The following DMD variants were observed in gnomAD, a reference collection of about 807,000 sequenced individuals.
DMD encodes the protein dystrophin.
DMD carries 63 observed loss-of-function variants against 330.1 expected under a neutral mutation model. The observed-to-expected ratio is 0.19, with a 90% CI of 0.16 to 0.24. DMD has a LOEUF of 0.24. Among genes scored for constraint, DMD ranks in the 10% least tolerant of loss-of-function variants. DMD has a pLI of 1.00. For missense variants in DMD, 3,344 were observed against 2,684.1 expected, an observed-to-expected ratio of 1.25 and a Z score of -5.43; for synonymous variants, 1,223 against 959.8, an observed-to-expected ratio of 1.27 and a Z score of -5.07.
chrX:32,459,237 G>C (rs998728921), intron 25 of DMD, among the ~76,000 whole-genome samples: 2 of 111,044 alleles, frequency 1.8e-5, no homozygotes, highest in Non-Finnish European at 3.8e-5. Flanking sequence ...TTATCATCTT[G>C]AATGTGGTAA....
chrX:32,680,207 T>A (rs770501003), intron 9 of DMD, among the ~76,000 whole-genome samples: 1 of 110,694 alleles, frequency 9.0e-6, no homozygotes, highest in Non-Finnish European at 1.9e-5. Flanking sequence ...CCACCGTGCC[T>A]GGCCTAAATT....
chrX:32,953,092 G>A (rs1043406254), intron 2 of DMD, among the ~76,000 whole-genome samples: 5 of 101,162 alleles, frequency 4.9e-5, no homozygotes, highest in East Asian at 6.2e-4. Context: ...CAGAGATCGC[G>A]TCACTGCACT....
At chrX:32,468,391 A>T in intron 23 of DMD, 107 bp downstream of exon 23, 1 of 698,698 alleles carries the variant, frequency 1.4e-6, no homozygotes, top group Non-Finnish European at 2.2e-6. Context: ...ACTAACTTTG[A>T]AAGATGCTGA....
chrX:32,116,537 C>T (rs1020025376), intron 44 of DMD, among the ~76,000 whole-genome samples: 5 of 112,233 alleles, frequency 4.5e-5, no homozygotes, highest in Admixed American at 1.9e-4. Context: ...AAGAGATCTA[C>T]ATTATGCCAT....
At chrX:32,342,508 T>C (rs1365009662) in intron 40 of DMD, 1 of 403,877 alleles carries the variant, frequency 2.5e-6, no homozygotes, top group East Asian at 4.1e-5. Flanking sequence ...ATTAAGTAAA[T>C]ATTGAAATTG....
intron 50 of DMD, among the ~76,000 whole-genome samples, chrX:31,807,657 C>T (rs1427939294): frequency 1.8e-5 from 2 of 111,710 alleles, no homozygotes; most frequent in Non-Finnish European, 3.8e-5. Flanking sequence ...TACTTAAGGC[C>T]CAATTCCACC....
At chrX:32,379,175 A>T (rs2097915355) in intron 34 of DMD, among the ~76,000 whole-genome samples, 1 of 110,447 alleles carries the variant, frequency 9.1e-6, no homozygotes, top group Non-Finnish European at 1.9e-5. Flanking sequence ...TCTTTATTCT[A>T]TAAAGAAAGA....
chrX:32,558,945 T>TTTTTTTTTTTTTTTC (rs2050665333), intron 16 of DMD, among the ~76,000 whole-genome samples: 1 of 40,125 alleles, frequency 2.5e-5, no homozygotes, highest in African/African-American at 7.5e-5. Flanking sequence ...TTTCTTTTTT[T>TTTTTTTTTTTTTTTC]TTTTTTTTTT....
intron 1 of DMD, among the ~76,000 whole-genome samples, chrX:33,283,584 G>A (rs1049302292): frequency 9.1e-6 from 1 of 109,480 alleles, no homozygotes; most frequent in Non-Finnish European, 1.9e-5. Context: ...GACTGTACTA[G>A]GTATGTTCGT....
chrX:32,552,316 C>T (rs1195170074), intron 16 of DMD, among the ~76,000 whole-genome samples: 1 of 111,629 alleles, frequency 9.0e-6, no homozygotes, highest in African/African-American at 3.3e-5. Flanking sequence ...AATAAGGCTG[C>T]ACACCTACAA....
intron 12 of DMD, among the ~76,000 whole-genome samples, chrX:32,601,792 C>T (rs970960651): frequency 8.9e-6 from 1 of 111,940 alleles, no homozygotes; most frequent in Non-Finnish European, 1.9e-5. Flanking sequence ...ATAAAACTGC[C>T]TATTTCTTTA....
At chrX:31,723,623 A>AACACACACAC (rs55718177) in intron 52 of DMD, among the ~76,000 whole-genome samples, 4,139 of 77,584 alleles carry the variant, frequency 0.053, 164 homozygotes, top group East Asian at 0.093. Context: ...TATCCTCCAC[A>AACACACACAC]ACACACACAC....
At chrX:31,252,545 C>G (rs2049485570) in intron 63 of DMD, among the ~76,000 whole-genome samples, 1 of 111,347 alleles carries the variant, frequency 9.0e-6, no homozygotes, top group African/African-American at 3.3e-5. Flanking sequence ...TTTCCCAAAT[C>G]AAAAACTGGA....
intron 61 of DMD, among the ~76,000 whole-genome samples, chrX:31,342,748 C>A (rs1691491033): frequency 9.0e-6 from 1 of 111,317 alleles, no homozygotes; most frequent in African/African-American, 3.3e-5. Context: ...AACAGAAGAC[C>A]AGAGAATTGA....
chrX:31,600,225 A>G (rs1464440013), intron 55 of DMD, among the ~76,000 whole-genome samples: 1 of 111,979 alleles, frequency 8.9e-6, no homozygotes, highest in Non-Finnish European at 1.9e-5. Flanking sequence ...GAGCCATCGC[A>G]CCCCAAGTGT....
At chrX:31,878,535 A>G (rs140655727) in intron 47 of DMD, among the ~76,000 whole-genome samples, 3,646 of 112,139 alleles carry the variant, frequency 0.033, 53 homozygotes, top group Middle Eastern at 0.055. Flanking sequence ...CTATATAAAA[A>G]ATCAAAAGCT....
At chrX:31,574,679 C>CT (rs200862205) in intron 55 of DMD, among the ~76,000 whole-genome samples, 18 of 110,955 alleles carry the variant, frequency 1.6e-4, no homozygotes, top group African/African-American at 3.9e-4. Flanking sequence ...AACAACTCTA[C>CT]TTTTTTTTCC....
chrX:31,509,212 G>A (rs16989685), intron 55 of DMD, among the ~76,000 whole-genome samples: 6,559 of 111,668 alleles, frequency 0.059, 251 homozygotes, highest in African/African-American at 0.13. Flanking sequence ...CTTGCAGAAC[G>A]AAGTTTGGTC....
At chrX:33,062,313 T>C (rs1321071078) in intron 1 of DMD, among the ~76,000 whole-genome samples, 1 of 111,897 alleles carries the variant, frequency 8.9e-6, no homozygotes, top group Non-Finnish European at 1.9e-5. Context: ...TGAATTGATA[T>C]TGAATAATCT....
Sources: allele counts gnomAD v4.1 joint callset (sites outside exome capture counted in the v4.1 genomes callset), GRCh38; gene constraint gnomAD v4.1.1; transcripts MANE v1.5; gene names NCBI Gene and HGNC (gene_info 2026-07-23, HGNC 2026-07-21).